RPS6KC1: variants seen among roughly 807,000 people sequenced by gnomAD.
RPS6KC1 encodes the protein ribosomal protein S6 kinase C1.
A neutral mutation model predicts 103.8 loss-of-function variants in RPS6KC1; 54 were observed. The ratio of observed to expected loss-of-function variants is 0.52; its 90% CI spans 0.42 to 0.65. The LOEUF (loss-of-function observed/expected upper bound fraction) is 0.65, where lower values mean the gene tolerates loss of function less well. RPS6KC1 is among the 30% of genes least tolerant of loss of function. The probability of loss-of-function intolerance (pLI) is 0.00; values close to 1 mark genes in which losing one functional copy is unlikely to be tolerated. For missense variants in RPS6KC1, 1,151 were observed against 1,253.8 expected, an observed-to-expected ratio of 0.92 and a Z score of 1.24; for synonymous variants, 439 against 438.7, an observed-to-expected ratio of 1.00 and a Z score of -0.01.
At chr1:213,779,555 C>T in the RPS6KC1 span, among the ~76,000 whole-genome samples, 2 of 152,104 alleles carry the variant, frequency 1.3e-5, no homozygotes, top group African/African-American at 2.4e-5. Flanking sequence ...TGTTGTCTGT[C>T]GTGGTTTAAA....
chr1:213,657,112 C>T, the RPS6KC1 span, among the ~76,000 whole-genome samples: 4,149 of 152,154 alleles, frequency 0.027, 78 homozygotes, highest in Non-Finnish European at 0.044. Context: ...GGTCATCTTG[C>T]ATGCACTCCT....
the RPS6KC1 span, among the ~76,000 whole-genome samples, chr1:213,604,261 A>G: frequency 6.6e-6 from 1 of 152,244 alleles, no homozygotes; most frequent in African/African-American, 2.4e-5. Flanking sequence ...TTAGGTTGCA[A>G]CTTGCTGTTC....
chr1:213,488,281 G>A, the RPS6KC1 span, among the ~76,000 whole-genome samples: 1 of 152,208 alleles, frequency 6.6e-6, no homozygotes, highest in African/African-American at 2.4e-5. Context: ...TAGCTGAACT[G>A]TCTACAACAT....
chr1:213,647,447 G>T, the RPS6KC1 span, among the ~76,000 whole-genome samples: 7 of 152,062 alleles, frequency 4.6e-5, no homozygotes, highest in Non-Finnish European at 1.0e-4. Flanking sequence ...AGTGAATTAG[G>T]CTACTTGTTT....
chr1:213,688,128 T>C, the RPS6KC1 span, among the ~76,000 whole-genome samples: 1 of 152,072 alleles, frequency 6.6e-6, no homozygotes, highest in Non-Finnish European at 1.5e-5. Context: ...CTCTAAGAAA[T>C]GTTTTGCCAT....
At chr1:213,620,636 A>G in the RPS6KC1 span, among the ~76,000 whole-genome samples, 16 of 152,366 alleles carry the variant, frequency 1.1e-4, no homozygotes, top group East Asian at 1.3e-3. Context: ...ATTTGGAGCC[A>G]TCTTCAATTC....
chr1:213,303,222 G>T, the RPS6KC1 span, among the ~76,000 whole-genome samples: 1 of 152,212 alleles, frequency 6.6e-6, no homozygotes, highest in Non-Finnish European at 1.5e-5. Flanking sequence ...CTCCAAGTCA[G>T]TTTCAGGATG....
chr1:213,665,049 AC>A, the RPS6KC1 span, among the ~76,000 whole-genome samples: 1 of 152,310 alleles, frequency 6.6e-6, no homozygotes, highest in East Asian at 1.9e-4. Flanking sequence ...TATAGAACAT[AC>A]TTTAGAGATT....
At chr1:213,061,694 A>G (rs1302420992) in intron 1 of RPS6KC1, among the ~76,000 whole-genome samples, 1 of 151,902 alleles carries the variant, frequency 6.6e-6, no homozygotes, top group Non-Finnish European at 1.5e-5. Context: ...CATGCATTAT[A>G]TTGATGAATG....
At chr1:213,608,211 G>A in the RPS6KC1 span, among the ~76,000 whole-genome samples, 1 of 152,200 alleles carries the variant, frequency 6.6e-6, no homozygotes, top group Non-Finnish European at 1.5e-5. Context: ...GGGAAGGGAG[G>A]TGGGGAGGGA....
chr1:213,626,788 C>G, the RPS6KC1 span, among the ~76,000 whole-genome samples: 8 of 152,058 alleles, frequency 5.3e-5, no homozygotes, highest in Non-Finnish European at 1.2e-4. Flanking sequence ...TGGCCTATAT[C>G]TCTGTTTTGG....
At chr1:213,773,492 T>G in the RPS6KC1 span, among the ~76,000 whole-genome samples, 1 of 148,292 alleles carries the variant, frequency 6.7e-6, no homozygotes, top group Non-Finnish European at 1.5e-5. Flanking sequence ...TATATAGATA[T>G]ATAATACAGA....
the RPS6KC1 span, among the ~76,000 whole-genome samples, chr1:213,394,910 A>G: frequency 6.6e-6 from 1 of 152,228 alleles, no homozygotes; most frequent in Non-Finnish European, 1.5e-5. Flanking sequence ...GCTGCCCCTC[A>G]TGCTGAGGCT....
the RPS6KC1 span, among the ~76,000 whole-genome samples, chr1:213,656,358 A>G: frequency 3.3e-5 from 5 of 152,246 alleles, no homozygotes; most frequent in South Asian, 1.0e-3. Flanking sequence ...GGGCAGGAAT[A>G]AAGTGGATGG....
chr1:213,306,212 A>G, the RPS6KC1 span, among the ~76,000 whole-genome samples: 1 of 152,192 alleles, frequency 6.6e-6, no homozygotes, highest in African/African-American at 2.4e-5. Context: ...TGGAAGTGAC[A>G]CAGTTTTGTT....
chr1:213,063,701 A>G (rs2078044918), intron 1 of RPS6KC1, among the ~76,000 whole-genome samples: 1 of 152,214 alleles, frequency 6.6e-6, no homozygotes, highest in African/African-American at 2.4e-5. Context: ...GGGAAATACT[A>G]TGTATCTTCC....
At chr1:213,332,718 C>A in the RPS6KC1 span, among the ~76,000 whole-genome samples, 1 of 152,250 alleles carries the variant, frequency 6.6e-6, no homozygotes, top group African/African-American at 2.4e-5. Flanking sequence ...TCTGCCCTGA[C>A]CACAGATCAC....
At chr1:213,055,056 G>A (rs781719286) in intron 1 of RPS6KC1, among the ~76,000 whole-genome samples, 1 of 152,164 alleles carries the variant, frequency 6.6e-6, no homozygotes, top group Non-Finnish European at 1.5e-5. Flanking sequence ...AGACAGTGCT[G>A]TATTATAACT....
the RPS6KC1 span, among the ~76,000 whole-genome samples, chr1:213,581,628 C>T: frequency 6.6e-6 from 1 of 152,104 alleles, no homozygotes; most frequent in African/African-American, 2.4e-5. Context: ...TGGCTCCAGC[C>T]AGCCAAGGAC....
Sources: gnomAD v4.1 joint callset for allele counts (sites outside exome capture counted in the v4.1 genomes callset) on GRCh38, gnomAD v4.1.1 for gene constraint, MANE v1.5 for transcripts, NCBI Gene and HGNC (gene_info 2026-07-23, HGNC 2026-07-21) for gene names.